ACSM3: variants seen among roughly 807,000 people sequenced by gnomAD.
ACSM3 encodes the protein acyl-CoA synthetase medium chain family member 3.
A neutral mutation model predicts 74.1 loss-of-function variants in ACSM3; 61 were observed. The observed-to-expected ratio is 0.82, with a 90% confidence interval of 0.67 to 1.02. The LOEUF is 1.02. ACSM3 is among the 50% of genes least tolerant of loss of function. The probability of loss-of-function intolerance (pLI) is 0.00; values close to 1 mark genes in which losing one functional copy is unlikely to be tolerated. For synonymous variants in ACSM3, 213 were observed against 241.5 expected, an observed-to-expected ratio of 0.88 and a Z score of 1.09; for missense variants, 660 against 697.0, an observed-to-expected ratio of 0.95 and a Z score of 0.60.
chr16:20,744,299 T>C (rs1472249793), intron 1 of ACSM3, among the ~76,000 whole-genome samples: 1 of 152,244 alleles, frequency 6.6e-6, no homozygotes, highest in Non-Finnish European at 1.5e-5. Flanking sequence ...CAGACTGTAA[T>C]GGCTGTTGTA....
chr16:20,709,906 A>T (rs1388347963), intron 1 of ACSM3, among the ~76,000 whole-genome samples: 2 of 152,146 alleles, frequency 1.3e-5, no homozygotes, highest in East Asian at 3.9e-4. Context: ...TGACTTTGTG[A>T]CCCTTGAATA....
chr16:20,747,553 C>T (rs1203857664), intron 1 of ACSM3, among the ~76,000 whole-genome samples: 1 of 152,192 alleles, frequency 6.6e-6, no homozygotes, highest in Non-Finnish European at 1.5e-5. Context: ...TAATAAAATC[C>T]TCCTGTCCCA....
chr16:20,737,128 T>C, intron 1 of ACSM3: 10 of 1,614,230 alleles, frequency 6.2e-6, no homozygotes, highest in East Asian at 2.2e-5. Context: ...GACGGATCCT[T>C]AGGGCTCTTC....
chr16:20,749,022 TGC>T (rs2079970278), intron 1 of ACSM3, among the ~76,000 whole-genome samples: 3 of 151,998 alleles, frequency 2.0e-5, no homozygotes, highest in Admixed American at 6.6e-5. Context: ...TATGAGCCAT[TGC>T]ACTCTAGCCT....
chr16:20,741,667 C>A, intron 1 of ACSM3: 1 of 1,583,866 alleles, frequency 6.3e-7, no homozygotes, highest in Non-Finnish European at 8.6e-7. Context: ...GCGCGCTTGG[C>A]CAGCACATAC....
intron 4 of ACSM3, chr16:20,779,794 CAG>C (rs2080312922): frequency 1.4e-5 from 2 of 147,150 alleles, no homozygotes; most frequent in African/African-American, 5.3e-5. Context: ...TTTTTTGAGA[CAG>C]AGTCTTTCTC....
intron 1 of ACSM3, chr16:20,691,201 C>T: frequency 6.4e-7 from 1 of 1,550,748 alleles, no homozygotes; most frequent in Non-Finnish European, 8.7e-7. Flanking sequence ...TGAAACAGTC[C>T]TCAGAAACCA....
chr16:20,762,086 C>T (rs761370814), upstream of ACSM3, among the ~76,000 whole-genome samples: 3 of 152,190 alleles, frequency 2.0e-5, no homozygotes, highest in African/African-American at 4.8e-5. Context: ...TGCCCCTCTT[C>T]CTTTGGTTCC....
chr16:20,790,766 A>G lies in ACSM3; in HGVS notation c.1326+78A>G. Reference sequence around the variant, plus strand: ...TAACAATCCCTGTTTGCCACAAAACATACCTAGGATAGGTACTTGACCCTT... The same window carrying G: ...TAACAATCCCTGTTTGCCACAAAACGTACCTAGGATAGGTACTTGACCCTT... On this transcript the variant is annotated intron_variant, in intron 10 of 13. Transcript: ENST00000289416. The surrounding 1 kb of genome is among the most constrained non-coding windows in gnomAD (Gnocchi z 4.0). The G allele has an allele frequency of 6.2e-7, 1 of 1,613,224 alleles. No homozygotes were observed. The highest frequency in any genetic ancestry group is 8.5e-7 in the Non-Finnish European group (1 of 1,179,336).
At chr16:20,716,575 A>ATTCT (rs1041568109) in intron 1 of ACSM3, among the ~76,000 whole-genome samples, 2 of 152,206 alleles carry the variant, frequency 1.3e-5, no homozygotes, top group African/African-American at 2.4e-5. Context: ...AGCAGAGCAT[A>ATTCT]TTCTATATGC....
At chr16:20,782,235 TTTTTGTTTTG>T (rs1300580247) in intron 7 of ACSM3, among the ~76,000 whole-genome samples, 1 of 152,170 alleles carries the variant, frequency 6.6e-6, no homozygotes, top group East Asian at 1.9e-4. Flanking sequence ...TTTGTTTTTG[TTTTTGTTTTG>T]TTTTGTTTTG....
rs189590435 is a variant in ACSM3, at chr16:20,696,047, C to T, written c.-190+21225C>T. The stretch of plus-strand genomic sequence containing the variant: ...GTTTCAATACACAAGTACTTACCAT[C>T]GTGTCATGACTGCCTACAGTATTTA... On this transcript the variant is annotated intron_variant, in intron 1 of 3. Coordinates refer to the ACSM3 transcript ENST00000561584. Among the ~76,000 whole-genome samples the T allele has an allele frequency of 2.0e-5, 3 of 152,290 alleles. 1 individual carries two copies. The highest frequency in any genetic ancestry group is 1.9e-4 in the East Asian group (1 of 5,184).
intron 1 of ACSM3, among the ~76,000 whole-genome samples, chr16:20,710,990 G>A (rs762077784): frequency 2.0e-5 from 3 of 151,926 alleles, no homozygotes; most frequent in Non-Finnish European, 4.4e-5. Context: ...GGAGGCTAAA[G>A]CAGGAGAATC....
intron 2 of ACSM3, among the ~76,000 whole-genome samples, chr16:20,772,620 T>G (rs935858208): frequency 1.3e-5 from 2 of 152,206 alleles, no homozygotes; most frequent in African/African-American, 2.4e-5. Context: ...GAGGATATCC[T>G]TTCCTCAGTG....
chr16:20,686,983 T>C (rs2079565304), intron 1 of ACSM3, among the ~76,000 whole-genome samples: 1 of 150,394 alleles, frequency 6.6e-6, no homozygotes, highest in East Asian at 2.1e-4. Context: ...TTGTGATTTT[T>C]TTTTTTTTTT....
intron 1 of ACSM3, among the ~76,000 whole-genome samples, chr16:20,683,095 C>CTCTGAATT (rs2152312894): frequency 6.6e-6 from 1 of 151,544 alleles, no homozygotes; most frequent in South Asian, 2.1e-4. Context: ...CTTTTTTTTC[C>CTCTGAATT]TCTGAATTTC....
intron 1 of ACSM3, among the ~76,000 whole-genome samples, chr16:20,768,262 A>G (rs964263889): frequency 6.6e-6 from 1 of 152,256 alleles, no homozygotes; most frequent in Non-Finnish European, 1.5e-5. Context: ...AAATAAGGTC[A>G]TGCAGTTCAT....
intron 2 of ACSM3, among the ~76,000 whole-genome samples, chr16:20,772,855 T>A (rs1025021292): frequency 6.6e-6 from 1 of 151,798 alleles, no homozygotes; most frequent in Non-Finnish European, 1.5e-5. Context: ...TAATCCCAGC[T>A]ACTAGGGAGG....
chr16:20,750,474 C>G (rs969806738), intron 2 of ACSM3, among the ~76,000 whole-genome samples: 2 of 152,106 alleles, frequency 1.3e-5, no homozygotes, highest in African/African-American at 2.4e-5. Context: ...AAACACCCCC[C>G]TCTCTCTCGT....
Sources: allele counts gnomAD v4.1 joint callset (sites outside exome capture counted in the v4.1 genomes callset), GRCh38; gene constraint gnomAD v4.1.1; non-coding constraint Gnocchi (gnomAD v3.1); transcripts MANE v1.5; gene names NCBI Gene and HGNC (gene_info 2026-07-23, HGNC 2026-07-21).